Variants in PLCG2 observed in about 807,000 individuals in gnomAD.
PLCG2 encodes 1-phosphatidylinositol 4,5-bisphosphate phosphodiesterase gamma-2.
PLCG2 carries 69 observed loss-of-function variants against 175.6 expected under a neutral mutation model. The ratio of observed to expected loss-of-function variants is 0.39; its 90% CI spans 0.32 to 0.48. The LOEUF (loss-of-function observed/expected upper bound fraction) is 0.48, where lower values mean the gene tolerates loss of function less well. PLCG2 is among the 20% of genes least tolerant of loss of function. PLCG2 has a pLI of 0.91. For missense variants in PLCG2, 1,798 were observed against 1,650.9 expected, an observed-to-expected ratio of 1.09 and a Z score of -1.54; for synonymous variants, 827 against 624.0, an observed-to-expected ratio of 1.33 and a Z score of -4.85.
chr16:81,889,485 T>C, intron 10 of PLCG2: 5 of 478,264 alleles, frequency 1.0e-5, no homozygotes, highest in Non-Finnish European at 1.9e-5. Flanking sequence ...AGTGGGTTCA[T>C]TTTGCCTGCT....
chr16:81,748,895 G>T (rs1479028871), intron 1 of PLCG2, among the ~76,000 whole-genome samples: 1 of 152,194 alleles, frequency 6.6e-6, no homozygotes, highest in Non-Finnish European at 1.5e-5. Flanking sequence ...GATGCTGGCA[G>T]AGCTGGGATT....
intron 21 of PLCG2, among the ~76,000 whole-genome samples, chr16:81,921,966 C>T (rs1220049918): frequency 6.6e-6 from 1 of 152,214 alleles, no homozygotes; most frequent in African/African-American, 2.4e-5. Flanking sequence ...GTGTGAAATG[C>T]ATTAAGAGAC....
intron 1 of PLCG2, among the ~76,000 whole-genome samples, chr16:81,743,286 G>C (rs1277712886): frequency 2.6e-5 from 4 of 152,238 alleles, no homozygotes; most frequent in African/African-American, 9.6e-5. Flanking sequence ...GGGAGGTTGA[G>C]GCTGCAGTGA....
At chr16:81,923,036 G>T (rs1597134437) in intron 21 of PLCG2, among the ~76,000 whole-genome samples, 2 of 152,270 alleles carry the variant, frequency 1.3e-5, no homozygotes, top group Middle Eastern at 3.4e-3. Flanking sequence ...AGGAAGAATG[G>T]GGTTGCCCTT....
intron 2 of PLCG2, among the ~76,000 whole-genome samples, chr16:81,807,919 A>C (rs998085086): frequency 2.0e-5 from 3 of 152,210 alleles, no homozygotes; most frequent in African/African-American, 7.2e-5. Flanking sequence ...CAAGGACAGC[A>C]CCAAGAGATG....
chr16:81,824,714 GCCTTTTTGT>G (rs1904969709), intron 2 of PLCG2, among the ~76,000 whole-genome samples: 1 of 152,192 alleles, frequency 6.6e-6, no homozygotes, highest in Non-Finnish European at 1.5e-5. Flanking sequence ...GTGACCTCTG[GCCTTTTTGT>G]CCTTCCCCAT....
intron 2 of PLCG2, among the ~76,000 whole-genome samples, chr16:81,843,596 A>G (rs1905950409): frequency 6.6e-6 from 1 of 152,204 alleles, no homozygotes; most frequent in Non-Finnish European, 1.5e-5. Flanking sequence ...CAAATGCCCA[A>G]TTTTTGGGTG....
intron 2 of PLCG2, among the ~76,000 whole-genome samples, chr16:81,810,262 G>A (rs1483090941): frequency 1.3e-5 from 2 of 152,168 alleles, no homozygotes; most frequent in African/African-American, 2.4e-5. Context: ...CTGGGATTAC[G>A]GTGTGAGCCA....
upstream of PLCG2, among the ~76,000 whole-genome samples, chr16:81,778,038 A>AAAC (rs1567457756): frequency 0.012 from 1,001 of 82,556 alleles, 38 homozygotes; most frequent in African/African-American, 0.056. Flanking sequence ...AAAACAAAAA[A>AAAC]AAAACAAAAA....
At chr16:81,821,561 C>T (rs1567481638) in intron 2 of PLCG2, among the ~76,000 whole-genome samples, 1 of 152,046 alleles carries the variant, frequency 6.6e-6, no homozygotes, top group Non-Finnish European at 1.5e-5. Flanking sequence ...CCTGGGGGCT[C>T]CTGGCTGCTC....
intron 2 of PLCG2, among the ~76,000 whole-genome samples, chr16:81,764,114 G>A (rs1910095292): frequency 6.6e-6 from 1 of 151,992 alleles, no homozygotes; most frequent in East Asian, 1.9e-4. Flanking sequence ...GTAACATGGT[G>A]AGACCCCATT....
chr16:81,821,576 C>G (rs983982357), intron 2 of PLCG2, among the ~76,000 whole-genome samples: 4 of 152,084 alleles, frequency 2.6e-5, no homozygotes, highest in Non-Finnish European at 5.9e-5. Flanking sequence ...CTGCTCAGTG[C>G]TGGCCCTACT....
chr16:81,792,708 C>T (rs1271861369), intron 2 of PLCG2, among the ~76,000 whole-genome samples: 1 of 151,998 alleles, frequency 6.6e-6, no homozygotes, highest in Non-Finnish European at 1.5e-5. Context: ...TCTTGTAAAA[C>T]TATCAGCCCT....
chr16:81,830,189 ACG>A (rs1171880601), intron 2 of PLCG2, among the ~76,000 whole-genome samples: 3 of 152,132 alleles, frequency 2.0e-5, no homozygotes, highest in South Asian at 2.1e-4. Context: ...GCATGTTGGC[ACG>A]CATCTGTGGT....
chr16:81,804,404 C>A (rs926460580), intron 2 of PLCG2, among the ~76,000 whole-genome samples: 1 of 152,200 alleles, frequency 6.6e-6, no homozygotes, highest in Admixed American at 6.5e-5. Flanking sequence ...GCATTGTCTT[C>A]TGGCATGGGG....
chr16:81,937,294 G>C (rs1910756297), intron 27 of PLCG2: 2 of 152,464 alleles, frequency 1.3e-5, no homozygotes, highest in African/African-American at 4.8e-5. Context: ...TCGTCCATTA[G>C]AGCTTCTTCT....
At chr16:81,957,585 G>C (rs898107933) in intron 32 of PLCG2, among the ~76,000 whole-genome samples, 1 of 152,086 alleles carries the variant, frequency 6.6e-6, no homozygotes, top group Non-Finnish European at 1.5e-5. Flanking sequence ...ATGTAATGGG[G>C]TGCGGGGCGG....
intron 2 of PLCG2, among the ~76,000 whole-genome samples, chr16:81,813,631 G>T (rs1597333306): frequency 1.3e-5 from 2 of 152,224 alleles, no homozygotes; most frequent in Non-Finnish European, 2.9e-5. Context: ...TTTGGGCAGA[G>T]CTCAGTCAGT....
chr16:81,852,609 A>G (rs949913666), intron 2 of PLCG2, among the ~76,000 whole-genome samples: 3 of 152,122 alleles, frequency 2.0e-5, no homozygotes, highest in African/African-American at 7.2e-5. Context: ...CCAGGAGTAG[A>G]TGGAGTCACA....
Sources: allele counts gnomAD v4.1 joint callset (sites outside exome capture counted in the v4.1 genomes callset), GRCh38; gene constraint gnomAD v4.1.1; transcripts MANE v1.5; gene names NCBI Gene and HGNC (gene_info 2026-07-23, HGNC 2026-07-21).